The following MPRIP variants were observed in gnomAD, a reference collection of about 807,000 sequenced individuals.
The protein encoded by MPRIP is myosin phosphatase Rho-interacting protein.
MPRIP carries 59 observed loss-of-function variants against 234.9 expected under a neutral mutation model. That is an observed-to-expected ratio of 0.25 (90% CI 0.20 to 0.31). MPRIP has a LOEUF of 0.31. Among genes scored for constraint, MPRIP ranks in the 10% least tolerant of loss-of-function variants. The pLI is 1.00. For missense variants in MPRIP, 2,436 were observed against 3,071.0 expected (o/e 0.79, Z 4.89); for synonymous variants, 1,144 against 1,263.9 (o/e 0.91, Z 2.01).
In MPRIP at chr17:17,126,797, T is replaced by C; in HGVS notation, c.363T>C (p.Ile121=). 1 of 1,614,202 alleles carries C rather than the reference T, an allele frequency of 6.2e-7. No individual in the cohort carries two copies. The highest frequency in any genetic ancestry group is 2.2e-5 in the East Asian group (1 of 44,882). ...CGGGCCAGAAGTTCTCCCTGTGTAT[T>C]CTGACGCCTGAGAAGGAGCATTTCA... is the stretch of plus-strand genomic sequence containing the variant. ...GRTGQKFSLC[I]LTPEKEHFIR... The change falls in exon 4 of 24, where the codon ATT becomes ATC. Residue 121 remains isoleucine, a synonymous_variant. Transcript: ENST00000651222.
intron 11 of MPRIP, among the ~76,000 whole-genome samples, chr17:17,147,910 T>A (rs2045513372): frequency 6.6e-6 from 1 of 152,182 alleles, no homozygotes; most frequent in Non-Finnish European, 1.5e-5. Flanking sequence ...TCTTTTTTTC[T>A]TCACCTACAA....
intron 1 of MPRIP, among the ~76,000 whole-genome samples, chr17:17,071,658 A>G (rs145301221): frequency 1.9e-4 from 29 of 152,302 alleles, no homozygotes; most frequent in African/African-American, 5.8e-4. Flanking sequence ...GAGGCCAGCC[A>G]GAAGTGGAGC....
At chr17:17,124,857 C>CA (rs575955289) in intron 3 of MPRIP, among the ~76,000 whole-genome samples, 1 of 152,122 alleles carries the variant, frequency 6.6e-6, no homozygotes, top group Non-Finnish European at 1.5e-5. Flanking sequence ...GAATTTCTGT[C>CA]AAATAGAGTA....
chr17:17,145,208 A>G (rs2045431471), intron 9 of MPRIP, among the ~76,000 whole-genome samples: 1 of 152,232 alleles, frequency 6.6e-6, no homozygotes, highest in South Asian at 2.1e-4. Context: ...AGAGGCTCCC[A>G]GAGCGCTTTG....
rs764162834 is a variant in MPRIP, at chr17:17,158,563, G to A, written c.1961G>A (p.Arg654Gln). The change falls in exon 14 of 24, where the codon CGA becomes CAA. Residue 654 changes from arginine (R) to glutamine (Q), a missense_variant. Arg to Gln is a conservative substitution (Grantham distance 43). Coordinates refer to ENST00000651222, the MANE Select transcript of MPRIP (RefSeq NM_001364716.4). Reference sequence around the variant, plus strand: ...AGGAGCCGCGCACGGGAGCGGAGGCGAGAGGGCCGCTCCAAGACCTTTGAC... The same window carrying A: ...AGGAGCCGCGCACGGGAGCGGAGGCAAGAGGGCCGCTCCAAGACCTTTGAC... ...QKRSRARERRREGRSKTFDWA... is the reference protein window; with the variant it reads ...QKRSRARERRQEGRSKTFDWA... 3.0e-5 allele frequency: 49 copies of A among 1,610,970 alleles called. 2 individuals carry two copies. The highest frequency in any genetic ancestry group is 1.4e-4 in the South Asian group (13 of 90,904).
intron 1 of MPRIP, among the ~76,000 whole-genome samples, chr17:17,051,252 T>A (rs2088531639): frequency 6.6e-6 from 1 of 152,240 alleles, no homozygotes; most frequent in South Asian, 2.1e-4. Context: ...ATGTTTAAAT[T>A]GTTCCCAAGC....
intron 16 of MPRIP, chr17:17,168,517 T>G (rs1006325318): frequency 3.2e-6 from 1 of 313,246 alleles, no homozygotes; most frequent in Non-Finnish European, 6.2e-6. Flanking sequence ...CCCCAGGACC[T>G]TTACAAGTAG....
chr17:17,126,678 T>C (rs761704721), intron 3 of MPRIP, 24 bp from the exon 4 acceptor site: 3 of 1,598,492 alleles, frequency 1.9e-6, no homozygotes, highest in South Asian at 2.2e-5. Flanking sequence ...GGCCTCTGGG[T>C]GACTCTCTGC....
chr17:17,074,413 G>A (rs1333947124), intron 1 of MPRIP, among the ~76,000 whole-genome samples: 1 of 152,178 alleles, frequency 6.6e-6, no homozygotes, highest in Non-Finnish European at 1.5e-5. Context: ...ATATAGCAGT[G>A]CCTCACATTT....
At chr17:17,157,390 C>T (rs1477941629) in intron 13 of MPRIP, among the ~76,000 whole-genome samples, 1 of 152,196 alleles carries the variant, frequency 6.6e-6, no homozygotes, top group Admixed American at 6.5e-5. Flanking sequence ...ACCCAGTGTC[C>T]TTCTCCCCTT....
chr17:17,167,864 C>T lies in MPRIP; in HGVS notation c.6273C>T (p.Gly2091=), dbSNP rs957450402. 8.4e-6 allele frequency: 11 copies of T among 1,303,982 alleles called. No homozygotes were observed. The highest frequency in any genetic ancestry group is 1.1e-5 in the Non-Finnish European group (11 of 988,960). The allele number at this position is 1,303,982 out of a possible 1,614,324, so 80.8% of individuals were successfully genotyped here. ...AGCTGGGACACAAGGACCTGGAGGG[C>T]GACGCGGCCACACTGCGTGAGAAGT... ...REELGHKDLE[G]DAATLREKYQ... Residue 2091 remains glycine, a synonymous_variant, in exon 16 of 24, where the codon GGC becomes GGT. Coordinates refer to ENST00000651222, the MANE Select transcript of MPRIP (RefSeq NM_001364716.4). The surrounding 1 kb of genome is among the most constrained non-coding windows in gnomAD (Gnocchi z 5.9).
At chr17:17,106,920 A>AT (rs2090073881) in intron 3 of MPRIP, among the ~76,000 whole-genome samples, 1 of 152,202 alleles carries the variant, frequency 6.6e-6, no homozygotes, top group Non-Finnish European at 1.5e-5. Flanking sequence ...AGCATCCAAG[A>AT]TAACGACTTC....
intron 3 of MPRIP, among the ~76,000 whole-genome samples, chr17:17,089,030 A>G (rs2089655171): frequency 6.6e-6 from 1 of 152,220 alleles, no homozygotes; most frequent in South Asian, 2.1e-4. Context: ...ACACACAGGC[A>G]CGGACCAGTC....
intron 23 of MPRIP, among the ~76,000 whole-genome samples, chr17:17,183,783 G>A (rs564274678): frequency 1.3e-5 from 2 of 152,276 alleles, no homozygotes; most frequent in South Asian, 2.1e-4. Flanking sequence ...CTAAGCTGGC[G>A]ACTTCCCAGT....
rs752767026 is a variant in MPRIP at position 17,158,822 on chromosome 17, G to C, written c.2220G>C (p.Leu740=). The change falls in exon 14 of 24, where the codon CTG becomes CTC. Residue 740 remains leucine, a synonymous_variant. Coordinates refer to ENST00000651222, the MANE Select transcript of MPRIP (RefSeq NM_001364716.4). ...LRMEVDRSPG[L]PMSDLKTHNV... ...TGGAGGTGGACCGGAGCCCAGGGCT[G>C]CCTATGAGCGACCTCAAAACGCATA... 6.2e-7 allele frequency: 1 copy of C among 1,611,650 alleles called. No individual in the cohort carries two copies. The highest frequency in any genetic ancestry group is 2.2e-5 in the East Asian group (1 of 44,878).
intron 22 of MPRIP, 26 bp from the exon 23 acceptor site, chr17:17,179,977 C>T (rs750749786): frequency 6.4e-7 from 1 of 1,556,940 alleles, no homozygotes. Context: ...GGTAACAGGT[C>T]TGTTTGTTTT....
At chr17:17,112,294 G>A (rs906877598) in intron 3 of MPRIP, among the ~76,000 whole-genome samples, 1 of 152,062 alleles carries the variant, frequency 6.6e-6, no homozygotes, top group African/African-American at 2.4e-5. Flanking sequence ...TTGTGCCTGG[G>A]GCCACCTTTA....
At chr17:17,110,225 C>T (rs2090143646) in intron 3 of MPRIP, among the ~76,000 whole-genome samples, 1 of 152,160 alleles carries the variant, frequency 6.6e-6, no homozygotes, top group Admixed American at 6.5e-5. Flanking sequence ...GCCTTCCACC[C>T]TGAGTAGAGC....
intron 18 of MPRIP, among the ~76,000 whole-genome samples, chr17:17,173,490 G>A (rs554459842): frequency 6.6e-6 from 1 of 152,216 alleles, no homozygotes; most frequent in Non-Finnish European, 1.5e-5. Flanking sequence ...GCAGGAGGAC[G>A]GCCCTCCTGG....
Sources: allele counts gnomAD v4.1 joint callset (sites outside exome capture counted in the v4.1 genomes callset), GRCh38; gene constraint gnomAD v4.1.1; non-coding constraint Gnocchi (gnomAD v3.1); transcripts MANE v1.5; gene names NCBI Gene and HGNC (gene_info 2026-07-23, HGNC 2026-07-21).